POU6F2: variants seen among roughly 807,000 people sequenced by gnomAD.
The protein encoded by POU6F2 is POU class 6 homeobox 2, also known as POU domain, class 6, transcription factor 2.
In POU6F2, 31 loss-of-function variants were observed where a neutral mutation model predicts 71.3. The observed-to-expected ratio is 0.43, with a 90% CI of 0.33 to 0.59. The LOEUF (loss-of-function observed/expected upper bound fraction) is 0.59. Ranked by LOEUF, POU6F2 falls within the 20% of genes least tolerant of loss-of-function variation. The pLI is 0.04. For missense variants in POU6F2, 783 were observed against 856.8 expected, an observed-to-expected ratio of 0.91 and a Z score of 1.07; for synonymous variants, 347 against 355.7, an observed-to-expected ratio of 0.98 and a Z score of 0.27.
At chr7:39,093,473 C>T (rs1026774116) in intron 2 of POU6F2, among the ~76,000 whole-genome samples, 2 of 151,966 alleles carry the variant, frequency 1.3e-5, no homozygotes, top group Non-Finnish European at 2.9e-5. Context: ...CTTATGATGT[C>T]CCAATGATAG....
chr7:39,025,482 A>T (rs1253251392), intron 1 of POU6F2, among the ~76,000 whole-genome samples: 3 of 152,184 alleles, frequency 2.0e-5, no homozygotes, highest in African/African-American at 7.2e-5. Context: ...AAACCTGAGA[A>T]AAACAGGCAA....
At chr7:38,983,049 G>T (rs937746131) in intron 1 of POU6F2, among the ~76,000 whole-genome samples, 25 of 152,026 alleles carry the variant, frequency 1.6e-4, no homozygotes, top group Non-Finnish European at 2.9e-4. Context: ...TGCAAATACT[G>T]AAAAACTTCA....
intron 2 of POU6F2, among the ~76,000 whole-genome samples, chr7:39,112,144 A>G (rs1360602030): frequency 1.3e-5 from 2 of 152,158 alleles, no homozygotes; most frequent in Non-Finnish European, 2.9e-5. Flanking sequence ...TCACCTGTGT[A>G]TTAAACCCAA....
chr7:39,193,227 C>T (rs1314429694), intron 2 of POU6F2, among the ~76,000 whole-genome samples: 2 of 151,896 alleles, frequency 1.3e-5, no homozygotes, highest in African/African-American at 2.4e-5. Context: ...GCGGGGGGTG[C>T]TTATTTCTTA....
intron 1 of POU6F2, among the ~76,000 whole-genome samples, chr7:38,988,071 C>T (rs1788506102): frequency 1.3e-5 from 2 of 152,018 alleles, no homozygotes; most frequent in African/African-American, 4.8e-5. Context: ...TTCTTTGAAC[C>T]CCACAGCTTT....
intron 2 of POU6F2, among the ~76,000 whole-genome samples, chr7:39,123,168 G>A (rs992877738): frequency 7.2e-5 from 11 of 152,170 alleles, no homozygotes; most frequent in African/African-American, 2.7e-4. Context: ...AAATATAGTA[G>A]GTCCTCAATC....
intron 4 of POU6F2, among the ~76,000 whole-genome samples, chr7:39,329,530 C>T (rs142452099): frequency 1.1e-3 from 165 of 152,270 alleles, no homozygotes; most frequent in Middle Eastern, 3.4e-3. Flanking sequence ...CGCCCCCTTA[C>T]GGAAAGTCAA....
chr7:39,096,850 A>G (rs2128722848), intron 2 of POU6F2, among the ~76,000 whole-genome samples: 1 of 152,376 alleles, frequency 6.6e-6, no homozygotes, highest in South Asian at 2.1e-4. Context: ...CATAAAAATA[A>G]TGTAAAGCTT....
chr7:38,999,343 G>T (rs1788832894), intron 1 of POU6F2, among the ~76,000 whole-genome samples: 1 of 152,096 alleles, frequency 6.6e-6, no homozygotes, highest in African/African-American at 2.4e-5. Flanking sequence ...ATAAAGATTT[G>T]TCAAGTGTAT....
chr7:39,094,480 G>T (rs984324712), intron 2 of POU6F2, among the ~76,000 whole-genome samples: 2 of 151,994 alleles, frequency 1.3e-5, no homozygotes, highest in African/African-American at 4.8e-5. Context: ...ACACATTCCT[G>T]TAAGGATTAT....
rs1233574778 is a variant in POU6F2, at chr7:39,018,955, T to C, written c.105+40897T>C. ...ACTCCTTCTGATTTCCCTGCCTCCT[T>C]CTTGTATTGCAGCCTTGGTTTTCCA... On this transcript the variant is annotated intron_variant, in intron 1 of 9. Coordinates refer to ENST00000518318, the MANE Select transcript of POU6F2 (RefSeq NM_001370959.1). Among the ~76,000 whole-genome samples the C allele has an allele frequency of 5.9e-5, 9 of 152,174 alleles. 1 individual carries two copies. The highest frequency in any genetic ancestry group is 1.2e-4 in the Non-Finnish European group (8 of 68,030).
chr7:39,198,284 T>C (rs1034253919), intron 2 of POU6F2, among the ~76,000 whole-genome samples: 1 of 152,208 alleles, frequency 6.6e-6, no homozygotes, highest in Non-Finnish European at 1.5e-5. Flanking sequence ...GAAGCAATTA[T>C]TGAGGAATTT....
At chr7:39,210,475 AT>A (rs766031855) in intron 4 of POU6F2, among the ~76,000 whole-genome samples, 1 of 152,078 alleles carries the variant, frequency 6.6e-6, no homozygotes, top group Non-Finnish European at 1.5e-5. Flanking sequence ...GTTTTCAAAT[AT>A]TTTCCTTTTT....
Position 39,464,476 on chromosome 7 carries a change from C to T in POU6F2, c.1953C>T (p.Leu651=), listed in dbSNP as rs1217885369. The change falls in exon 10 of 10, where the codon CTC becomes CTT. Residue 651 remains leucine, a synonymous_variant. Transcript: ENST00000518318. This position sits in a 1 kb window ranked among gnomAD's most constrained non-coding sequence, Gnocchi z 4.1. ...TCACACCCCAGGCCCTTGAGATCCT[C>T]AATGCCCACTTTGAGAAGAACACAC... ...TSFTPQALEI[L]NAHFEKNTHP... 26 of 1,613,800 alleles carry T rather than the reference C, an allele frequency of 1.6e-5. 1 individual carries two copies. In the Middle Eastern group the frequency reaches 6.6e-4, roughly 41 times the overall value.
intron 2 of POU6F2, among the ~76,000 whole-genome samples, chr7:39,162,405 T>C (rs1562728848): frequency 1.3e-5 from 2 of 152,250 alleles, no homozygotes; most frequent in Non-Finnish European, 2.9e-5. Context: ...CTAGTTACTC[T>C]ATGCCAATAA....
chr7:39,185,368 A>T (rs544761611), intron 2 of POU6F2, among the ~76,000 whole-genome samples: 1 of 152,202 alleles, frequency 6.6e-6, no homozygotes, highest in Non-Finnish European at 1.5e-5. Flanking sequence ...AAAATTGTCA[A>T]TGGAGACAGT....
intron 8 of POU6F2, among the ~76,000 whole-genome samples, chr7:39,452,384 A>G (rs549808453): frequency 6.6e-6 from 1 of 152,334 alleles, no homozygotes; most frequent in African/African-American, 2.4e-5. Context: ...GCATGTTAAG[A>G]TGGATGGGAC....
chr7:39,455,515 A>G (rs1178490483), intron 8 of POU6F2, among the ~76,000 whole-genome samples: 1 of 152,200 alleles, frequency 6.6e-6, no homozygotes, highest in East Asian at 1.9e-4. Flanking sequence ...TGCTGTGAGA[A>G]TAGCACTAAA....
intron 7 of POU6F2, among the ~76,000 whole-genome samples, chr7:39,435,753 T>C (rs575791407): frequency 6.6e-6 from 1 of 152,278 alleles, no homozygotes; most frequent in South Asian, 2.1e-4. Flanking sequence ...AGGGTTTTTA[T>C]GGTGTGGGGT....
Sources: allele counts gnomAD v4.1 joint callset (sites outside exome capture counted in the v4.1 genomes callset), GRCh38; gene constraint gnomAD v4.1.1; non-coding constraint Gnocchi (gnomAD v3.1); transcripts MANE v1.5; gene names NCBI Gene and HGNC (gene_info 2026-07-23, HGNC 2026-07-21).